GPCPD1: variants seen among roughly 807,000 people sequenced by gnomAD.
The protein encoded by GPCPD1 is glycerophosphocholine phosphodiesterase 1, also known as glycerophosphocholine phosphodiesterase GPCPD1.
In GPCPD1, 29 loss-of-function variants were observed where a neutral mutation model predicts 89.2. The ratio of observed to expected loss-of-function variants is 0.33; its 90% CI spans 0.24 to 0.44. The LOEUF is 0.44. GPCPD1 is among the 20% of genes least tolerant of loss of function. The probability of loss-of-function intolerance (pLI) is 1.00; values close to 1 mark genes in which losing one functional copy is unlikely to be tolerated. For synonymous variants in GPCPD1, 258 were observed against 266.3 expected, an observed-to-expected ratio of 0.97 and a Z score of 0.30; for missense variants, 594 against 808.9, an observed-to-expected ratio of 0.73 and a Z score of 3.22.
chr20:5,595,141 C>G (rs1406589663), intron 3 of GPCPD1, among the ~76,000 whole-genome samples: 4 of 152,098 alleles, frequency 2.6e-5, no homozygotes, highest in Non-Finnish European at 4.4e-5. Context: ...ACTAAAGGCT[C>G]AAATGATTGT....
chr20:5,608,225 G>A (rs1980727130), intron 1 of GPCPD1, among the ~76,000 whole-genome samples: 1 of 152,118 alleles, frequency 6.6e-6, no homozygotes, highest in Admixed American at 6.6e-5. Context: ...AAGATGTTTG[G>A]AAGAGTGACT....
chr20:5,603,516 G>A (rs971412806), intron 2 of GPCPD1, among the ~76,000 whole-genome samples: 9 of 151,980 alleles, frequency 5.9e-5, no homozygotes, highest in African/African-American at 1.9e-4. Context: ...AAGAAAGGAG[G>A]AAGGAATGGA....
At chr20:5,561,337 T>C (rs1305414487) in intron 16 of GPCPD1, 128 bp downstream of exon 16, 5 of 534,778 alleles carry the variant, frequency 9.3e-6, no homozygotes, top group Non-Finnish European at 1.7e-5. Context: ...ATAAGCATTG[T>C]GCTTGGTGGA....
Position 5,598,735 on chromosome 20 carries a change from T to G in GPCPD1, c.136A>C (p.Thr46Pro). 6.3e-7 allele frequency: 1 copy of G among 1,598,852 alleles called. No individual in the cohort carries two copies. The highest frequency in any genetic ancestry group is 8.6e-7 in the Non-Finnish European group (1 of 1,166,022). ...CATTTCCATACTCACCTTTCACCTG[T>G]GTCATTCTCTGGAAGAAGAGCCACA... ...NAVALLPEND[T>P]GESMLWKATI... Residue 46 changes from threonine to proline, a missense_variant, in exon 3 of 20, where the codon ACA becomes CCA. Coordinates refer to ENST00000379019, the MANE Select transcript of GPCPD1 (RefSeq NM_019593.5).
At chr20:5,585,626 G>GAA (rs1568667536) in intron 5 of GPCPD1, 3 of 101,382 alleles carry the variant, frequency 3.0e-5, no homozygotes, top group African/African-American at 1.3e-4. Context: ...AAAAAAAAAA[G>GAA]ACAAAAAAAA....
chr20:5,568,266 A>T, intron 12 of GPCPD1, among the ~76,000 whole-genome samples: 1 of 127,484 alleles, frequency 7.8e-6, no homozygotes, highest in African/African-American at 3.5e-5. Context: ...TATATATACT[A>T]AAATCCATCA....
chr20:5,578,112 A>G (rs527316156), intron 8 of GPCPD1, among the ~76,000 whole-genome samples: 2 of 152,330 alleles, frequency 1.3e-5, no homozygotes, highest in South Asian at 4.1e-4. Context: ...CTTTGGATAC[A>G]ATTCATTTAC....
chr20:5,554,452 A>C (rs1459871103), intron 19 of GPCPD1, among the ~76,000 whole-genome samples: 2 of 152,118 alleles, frequency 1.3e-5, no homozygotes, highest in Non-Finnish European at 2.9e-5. Context: ...TGAAGCCAAT[A>C]CTCATTTAAC....
chr20:5,604,808 C>T (rs1293651573), intron 1 of GPCPD1, among the ~76,000 whole-genome samples: 5 of 151,116 alleles, frequency 3.3e-5, no homozygotes, highest in Non-Finnish European at 7.4e-5. Context: ...CACACACACG[C>T]CAGGCATGGG....
At chr20:5,551,719 C>G (rs1486736429) in intron 19 of GPCPD1, among the ~76,000 whole-genome samples, 1 of 151,932 alleles carries the variant, frequency 6.6e-6, no homozygotes, top group Non-Finnish European at 1.5e-5. Flanking sequence ...TGCAGTGAGC[C>G]GAGACAGTGC....
rs990000895 is a variant in GPCPD1, at chr20:5,581,341, CAAAT to C, written c.350-1214_350-1211del. On this transcript the variant is annotated intron_variant, in intron 6 of 19. Coordinates refer to ENST00000379019, the MANE Select transcript of GPCPD1 (RefSeq NM_019593.5). ...AATAATTAGCTATACTGTCACAACA[CAAAT>C]AAATTAAAATATTCATATTGAATCC... Among the ~76,000 whole-genome samples the C allele has an allele frequency of 1.5e-4, 23 of 152,220 alleles. 1 individual carries two copies. Among genetic ancestry groups the C allele is most frequent in the African/African-American group, 4.6e-4 (19 of 41,530 alleles).
chr20:5,567,562 TAAAAAAAAAAA>T lies in GPCPD1; in HGVS notation c.1150-13_1150-3del. The T allele has an allele frequency of 7.7e-7, 1 of 1,296,988 alleles. No individual in the cohort carries two copies. The highest frequency in any genetic ancestry group is 2.7e-5 in the Admixed American group (1 of 36,666). The allele number at this position is 1,296,988 out of a possible 1,614,324, so 80.3% of individuals were successfully genotyped here. ...TTCAACTGGATCAGCATCAAATTTC[TAAAAAAAAAAA>T]AAAAAGAAAGAAAGAAAAAGAAAGA... On this transcript the variant is annotated splice_region_variant and splice_polypyrimidine_tract_variant and intron_variant, in intron 12 of 19. Transcript: ENST00000379019.
At chr20:5,569,115 CTTCCT>C (rs1467002108) in intron 12 of GPCPD1, among the ~76,000 whole-genome samples, 1 of 151,738 alleles carries the variant, frequency 6.6e-6, no homozygotes, top group African/African-American at 2.4e-5. Context: ...CTCCCCTCCC[CTTCCT>C]TCCTTTCTTC....
chr20:5,609,729 G>C (rs1012759974), intron 1 of GPCPD1, among the ~76,000 whole-genome samples: 2 of 151,684 alleles, frequency 1.3e-5, no homozygotes, highest in African/African-American at 4.9e-5. Flanking sequence ...ATTTTGTCTA[G>C]AATACTGGTT....
At chr20:5,597,047 A>G (rs1979780384) in intron 3 of GPCPD1, among the ~76,000 whole-genome samples, 1 of 152,204 alleles carries the variant, frequency 6.6e-6, no homozygotes, top group South Asian at 2.1e-4. Flanking sequence ...TTCACTTCAG[A>G]CCAGAGTGGC....
At chr20:5,586,890 G>A (rs553933436) in intron 4 of GPCPD1, among the ~76,000 whole-genome samples, 2 of 152,272 alleles carry the variant, frequency 1.3e-5, no homozygotes, top group Admixed American at 1.3e-4. Context: ...GGGACATGTG[G>A]CCAGGTAAAC....
rs754616524 is a variant in GPCPD1, at chr20:5,604,355, T to C, written c.49+9A>G. The C allele has an allele frequency of 1.5e-6, 2 of 1,363,518 alleles. No individual in the cohort carries two copies. Among genetic ancestry groups the C allele is most frequent in the Non-Finnish European group, 2.1e-6 (2 of 960,260 alleles). The allele number at this position is 1,363,518 out of a possible 1,614,324, so 84.5% of individuals were successfully genotyped here. On this transcript the variant is annotated intron_variant, in intron 2 of 19. Transcript: ENST00000379019. ...TTTTAATTGTTTTAAAGTAAAACTT[T>C]TACAATACCTGGTAAAAGAGTTCCT...
chr20:5,551,714 T>A (rs1449161388), intron 19 of GPCPD1, among the ~76,000 whole-genome samples: 1 of 152,036 alleles, frequency 6.6e-6, no homozygotes, highest in Non-Finnish European at 1.5e-5. Context: ...CAGGTTGCAG[T>A]GAGCCGAGAC....
At chr20:5,594,759 G>A (rs1350377171) in intron 3 of GPCPD1, among the ~76,000 whole-genome samples, 6 of 152,166 alleles carry the variant, frequency 3.9e-5, no homozygotes, top group Admixed American at 1.3e-4. Flanking sequence ...TACAGATATA[G>A]CTCATTGTAT....
Sources: gnomAD v4.1 joint callset for allele counts (sites outside exome capture counted in the v4.1 genomes callset) on GRCh38, gnomAD v4.1.1 for gene constraint, MANE v1.5 for transcripts, NCBI Gene and HGNC (gene_info 2026-07-23, HGNC 2026-07-21) for gene names.